The following NKAIN3 variants were observed in gnomAD, a reference collection of about 807,000 sequenced individuals.
The protein encoded by NKAIN3 is sodium/potassium-transporting ATPase subunit beta-1-interacting protein 3.
In NKAIN3, 25 loss-of-function variants were observed where a neutral mutation model predicts 30.2. That is an observed-to-expected ratio of 0.83 (90% CI 0.60 to 1.16). The LOEUF (loss-of-function observed/expected upper bound fraction) is 1.16. NKAIN3 is among the 50% of genes most tolerant of loss of function. NKAIN3 has a pLI of 0.00. For missense variants in NKAIN3, 225 were observed against 254.1 expected, an observed-to-expected ratio of 0.89 and a Z score of 0.78; for synonymous variants, 91 against 89.6, an observed-to-expected ratio of 1.02 and a Z score of -0.09.
At chr8:62,414,819 A>G (rs1314533549) in intron 1 of NKAIN3, among the ~76,000 whole-genome samples, 1 of 151,866 alleles carries the variant, frequency 6.6e-6, no homozygotes, top group Admixed American at 6.6e-5. Flanking sequence ...TGTTATATAC[A>G]GTAGTAATTT....
intron 1 of NKAIN3, among the ~76,000 whole-genome samples, chr8:62,537,182 C>T (rs376202870): frequency 1.4e-4 from 21 of 152,116 alleles, no homozygotes; most frequent in African/African-American, 3.9e-4. Context: ...AGGAAGAATT[C>T]GCTATGTAAT....
At chr8:62,594,176 C>T (rs1014031542) in intron 3 of NKAIN3, among the ~76,000 whole-genome samples, 4 of 151,972 alleles carry the variant, frequency 2.6e-5, no homozygotes, top group Non-Finnish European at 4.4e-5. Context: ...CAGGATCAAT[C>T]TATCAAACAT....
intron 2 of NKAIN3, among the ~76,000 whole-genome samples, chr8:62,584,853 C>T (rs1015437171): frequency 6.6e-6 from 1 of 152,178 alleles, no homozygotes; most frequent in Non-Finnish European, 1.5e-5. Context: ...ATCATTGCTT[C>T]GCTACCTGTC....
chr8:62,268,310 A>T (rs1159699422), intron 1 of NKAIN3, among the ~76,000 whole-genome samples: 1 of 152,194 alleles, frequency 6.6e-6, no homozygotes, highest in Non-Finnish European at 1.5e-5. Flanking sequence ...AAGACTGTCC[A>T]TATCTAGAAG....
intron 5 of NKAIN3, among the ~76,000 whole-genome samples, chr8:62,932,125 T>C (rs912902220): frequency 7.1e-6 from 1 of 141,554 alleles, no homozygotes. Flanking sequence ...TAATGATTAA[T>C]ATCATTTTTT....
rs1823817235 is a variant in NKAIN3 at position 62,970,835 on chromosome 8, T to G, written c.*5428T>G. Among the ~76,000 whole-genome samples the G allele has an allele frequency of 6.6e-6, 1 of 152,236 alleles. No homozygotes were observed. Among genetic ancestry groups the G allele is most frequent in the African/African-American group, 2.4e-5 (1 of 41,468 alleles). On this transcript the variant is annotated 3_prime_UTR_variant, in exon 7 of 7. Coordinates refer to ENST00000623646, the MANE Select transcript of NKAIN3 (RefSeq NM_001304533.3). ...ATGTTTTTCCTTTCCTCTTCAGAGT[T>G]ATTTAGAAACAGTTCAAAGAAACCA...
At chr8:62,818,433 T>C (rs1001900838) in intron 4 of NKAIN3, among the ~76,000 whole-genome samples, 9 of 152,176 alleles carry the variant, frequency 5.9e-5, no homozygotes, top group African/African-American at 2.2e-4. Flanking sequence ...TATAAAGTCA[T>C]TTGGCCCTGT....
At position 62,918,485 on chromosome 8, in the gene NKAIN3, C is replaced by G; in HGVS notation, c.504C>G (p.Ile168Met). 6.2e-7 allele frequency: 1 copy of G among 1,613,018 alleles called. No homozygotes were observed. Among genetic ancestry groups the G allele is most frequent in the Non-Finnish European group, 8.5e-7 (1 of 1,179,204 alleles). The stretch of plus-strand genomic sequence containing the variant: ...GTTTTGTGTATGCCTGTTATGTGAT[C>G]AGTATTTCCATGGAAGAAGAAGACA... ...LVGFVYACYV[I>M]SISMEEEDTF... The change falls in exon 5 of 7, where the codon ATC becomes ATG. Residue 168 changes from isoleucine (I) to methionine (M), a missense_variant. By Grantham distance (10) the Ile-to-Met change is conservative. Coordinates refer to ENST00000623646, the MANE Select transcript of NKAIN3 (RefSeq NM_001304533.3).
intron 5 of NKAIN3, among the ~76,000 whole-genome samples, chr8:62,991,381 T>C (rs1340986782): frequency 6.6e-6 from 1 of 152,190 alleles, no homozygotes; most frequent in East Asian, 1.9e-4. Flanking sequence ...ACCAGAATTG[T>C]TGGCAAAGAA....
chr8:62,275,005 T>C (rs1205632433), intron 1 of NKAIN3, among the ~76,000 whole-genome samples: 1 of 151,898 alleles, frequency 6.6e-6, no homozygotes, highest in Non-Finnish European at 1.5e-5. Context: ...TTGTTGGACA[T>C]TTGGGTTGGT....
At chr8:62,560,603 C>T (rs1809540648) in intron 1 of NKAIN3, among the ~76,000 whole-genome samples, 1 of 120,236 alleles carries the variant, frequency 8.3e-6, no homozygotes, top group Non-Finnish European at 1.6e-5. Context: ...GCAATGGCAT[C>T]ATCTCAGCTC....
At chr8:62,919,458 G>C (rs1822211518) in intron 5 of NKAIN3, among the ~76,000 whole-genome samples, 1 of 151,544 alleles carries the variant, frequency 6.6e-6, no homozygotes, top group Admixed American at 6.6e-5. Flanking sequence ...TGTTAGCCAG[G>C]ATGGTCTCGA....
intron 1 of NKAIN3, among the ~76,000 whole-genome samples, chr8:62,426,471 C>G (rs1442858788): frequency 1.3e-5 from 2 of 151,966 alleles, no homozygotes; most frequent in African/African-American, 4.8e-5. Flanking sequence ...TCAATAGTGG[C>G]TTGTAACTAT....
chr8:62,779,696 A>C (rs1434906670), intron 4 of NKAIN3, among the ~76,000 whole-genome samples: 1 of 152,178 alleles, frequency 6.6e-6, no homozygotes, highest in African/African-American at 2.4e-5. Context: ...ATTCTCCAAG[A>C]TGGACAATAT....
At chr8:62,607,895 T>C (rs1264861294) in intron 3 of NKAIN3, among the ~76,000 whole-genome samples, 1 of 152,178 alleles carries the variant, frequency 6.6e-6, no homozygotes, top group Non-Finnish European at 1.5e-5. Flanking sequence ...TACGTTGAAA[T>C]GTATTCTCAA....
chr8:62,331,291 A>G (rs1321679198), intron 1 of NKAIN3, among the ~76,000 whole-genome samples: 1 of 151,742 alleles, frequency 6.6e-6, no homozygotes, highest in African/African-American at 2.4e-5. Context: ...AGGAGTTAGA[A>G]CTCATACATG....
At chr8:62,884,805 G>T (rs1821094801) in intron 4 of NKAIN3, among the ~76,000 whole-genome samples, 1 of 151,954 alleles carries the variant, frequency 6.6e-6, no homozygotes, top group Non-Finnish European at 1.5e-5. Context: ...TGATGCCTAT[G>T]GATGTGTAGT....
At chr8:62,277,643 A>G (rs1226447167) in intron 1 of NKAIN3, among the ~76,000 whole-genome samples, 1 of 152,206 alleles carries the variant, frequency 6.6e-6, no homozygotes, top group Non-Finnish European at 1.5e-5. Flanking sequence ...TCTAGTAAGA[A>G]ATCCCAAAAA....
At chr8:62,649,400 A>G (rs1812559356) in intron 3 of NKAIN3, among the ~76,000 whole-genome samples, 1 of 152,118 alleles carries the variant, frequency 6.6e-6, no homozygotes, top group Non-Finnish European at 1.5e-5. Context: ...AAACAGGCCA[A>G]TGGGACTTCA....
Sources: allele counts gnomAD v4.1 joint callset (sites outside exome capture counted in the v4.1 genomes callset), GRCh38; gene constraint gnomAD v4.1.1; transcripts MANE v1.5; gene names NCBI Gene and HGNC (gene_info 2026-07-23, HGNC 2026-07-21).